SPATA6: variants seen among roughly 807,000 people sequenced by gnomAD.
The protein encoded by SPATA6 is spermatogenesis associated 6.
Under a neutral mutation model 65.3 loss-of-function variants are expected in SPATA6, and 56 were observed. The observed-to-expected ratio is 0.86, with a 90% confidence interval of 0.69 to 1.07. The LOEUF (loss-of-function observed/expected upper bound fraction) is 1.07. SPATA6 is among the 50% of genes least tolerant of loss of function. SPATA6 has a pLI of 0.00. For missense variants in SPATA6, 590 were observed against 594.8 expected (o/e 0.99, Z 0.08); for synonymous variants, 199 against 213.2 (o/e 0.93, Z 0.58).
the SPATA6 span, among the ~76,000 whole-genome samples, chr1:48,275,249 TG>T: frequency 6.6e-6 from 1 of 152,218 alleles, no homozygotes; most frequent in Non-Finnish European, 1.5e-5. Context: ...GCTGAGATGA[TG>T]GGGTTTTCTA....
chr1:48,402,751 C>T (rs1651289043), intron 6 of SPATA6: 2 of 152,180 alleles, frequency 1.3e-5, no homozygotes, highest in African/African-American at 4.8e-5. Flanking sequence ...GCCCTCTGGG[C>T]TTTACATATT....
At chr1:48,343,138 G>T (rs1646265981) in intron 11 of SPATA6, among the ~76,000 whole-genome samples, 1 of 152,074 alleles carries the variant, frequency 6.6e-6, no homozygotes, top group South Asian at 2.1e-4. Context: ...AGAGGTTTTT[G>T]ATTTTTGTGT....
At chr1:48,461,416 G>A (rs1018107656) in intron 1 of SPATA6, among the ~76,000 whole-genome samples, 175 of 152,286 alleles carry the variant, frequency 1.1e-3, no homozygotes, top group Non-Finnish European at 1.9e-3. Flanking sequence ...CCTTGCCCAT[G>A]CCTATGTCCT....
intron 11 of SPATA6, among the ~76,000 whole-genome samples, chr1:48,343,665 G>T (rs1029250802): frequency 6.6e-6 from 1 of 152,056 alleles, no homozygotes; most frequent in East Asian, 1.9e-4. Flanking sequence ...TCAATTTAAA[G>T]GTACCAATTT....
intron 3 of SPATA6, among the ~76,000 whole-genome samples, chr1:48,441,097 C>T (rs1024512558): frequency 2.6e-5 from 4 of 152,170 alleles, no homozygotes; most frequent in African/African-American, 7.2e-5. Context: ...GTCCACTACA[C>T]CAAGGCAATC....
chr1:48,266,875 G>T, the SPATA6 span, among the ~76,000 whole-genome samples: 1 of 152,124 alleles, frequency 6.6e-6, no homozygotes, highest in Admixed American at 6.5e-5. Context: ...GCCACTGCTG[G>T]ACCACAAAGG....
rs923885577 is a variant in SPATA6 at position 48,296,665 on chromosome 1, C to T, written c.*2048G>A. Reference sequence around the variant, plus strand: ...TGAGGATATAATTTTTTTAAAAGAGCATTATTCAATGTTGACCTTCAAAAG... The same window carrying T: ...TGAGGATATAATTTTTTTAAAAGAGTATTATTCAATGTTGACCTTCAAAAG... On this transcript the variant is annotated 3_prime_UTR_variant, in exon 13 of 13. Coordinates refer to ENST00000371847, the MANE Select transcript of SPATA6 (RefSeq NM_019073.4). The T allele has an allele frequency of 2.5e-4, 38 of 152,180 alleles. No individual in the cohort carries two copies. Among genetic ancestry groups the T allele is most frequent in the Non-Finnish European group, 2.9e-4 (20 of 67,998 alleles). The allele number at this position is 152,180 out of a possible 1,614,324, so 9.4% of individuals were successfully genotyped here.
At chr1:48,364,236 A>G (rs1296862866) in intron 9 of SPATA6, among the ~76,000 whole-genome samples, 2 of 152,178 alleles carry the variant, frequency 1.3e-5, no homozygotes, top group Non-Finnish European at 2.9e-5. Flanking sequence ...AGTCTTTGCT[A>G]TGGTGAATAG....
At chr1:48,379,778 T>C (rs1050553276) in intron 9 of SPATA6, among the ~76,000 whole-genome samples, 1 of 152,210 alleles carries the variant, frequency 6.6e-6, no homozygotes, top group Non-Finnish European at 1.5e-5. Flanking sequence ...TTATTTATCA[T>C]GGTGACATAA....
At chr1:48,355,500 G>A in intron 11 of SPATA6, 170 bp downstream of exon 11, 1 of 512,016 alleles carries the variant, frequency 2.0e-6, no homozygotes, top group Admixed American at 3.5e-5. Flanking sequence ...CTTAGGTCAA[G>A]CAGGCATTTA....
At chr1:48,421,879 T>A (rs1653374140) in intron 3 of SPATA6, among the ~76,000 whole-genome samples, 1 of 152,080 alleles carries the variant, frequency 6.6e-6, no homozygotes, top group Non-Finnish European at 1.5e-5. Context: ...ATGGGAAGAA[T>A]GGAAATGTAA....
At chr1:48,419,218 T>C (rs1219653212) in intron 3 of SPATA6, among the ~76,000 whole-genome samples, 1 of 152,178 alleles carries the variant, frequency 6.6e-6, no homozygotes, top group Non-Finnish European at 1.5e-5. Context: ...ACCTCTATTT[T>C]ACAGATAAAA....
intron 3 of SPATA6, among the ~76,000 whole-genome samples, chr1:48,441,778 C>A (rs185921420): frequency 6.6e-6 from 1 of 152,130 alleles, no homozygotes; most frequent in Non-Finnish European, 1.5e-5. Flanking sequence ...TGGGTAGTTG[C>A]AGCGGTGGCC....
At chr1:48,285,564 G>A in the SPATA6 span, among the ~76,000 whole-genome samples, 1,070 of 152,080 alleles carry the variant, frequency 7.0e-3, 14 homozygotes, top group African/African-American at 0.025. Flanking sequence ...CCAGGGCCCT[G>A]GTGGCATGGC....
chr1:48,465,949 A>G (rs753600717), intron 1 of SPATA6, among the ~76,000 whole-genome samples: 2 of 152,176 alleles, frequency 1.3e-5, no homozygotes, highest in Non-Finnish European at 2.9e-5. Flanking sequence ...ATTAACCTCC[A>G]GTAATTATAA....
intron 3 of SPATA6, among the ~76,000 whole-genome samples, chr1:48,416,481 G>C (rs1176637122): frequency 6.6e-6 from 1 of 152,148 alleles, no homozygotes; most frequent in South Asian, 2.1e-4. Flanking sequence ...GTGCATGTGT[G>C]TGTATATTTA....
intron 3 of SPATA6, among the ~76,000 whole-genome samples, chr1:48,447,396 G>A (rs1244749951): frequency 1.3e-5 from 2 of 152,140 alleles, no homozygotes; most frequent in Non-Finnish European, 2.9e-5. Flanking sequence ...TCACGCACCT[G>A]TAGTCCCAGC....
At position 48,453,142 on chromosome 1, in the gene SPATA6, T is replaced by C; in HGVS notation, c.52-11A>G. 1 of 1,606,832 alleles carries C rather than the reference T, an allele frequency of 6.2e-7. No individual in the cohort carries two copies. Among genetic ancestry groups the C allele is most frequent in the Non-Finnish European group, 8.5e-7 (1 of 1,177,746 alleles). Reference sequence around the variant, plus strand: ...TCCTGGGCAAGTTACCTGAAAGAAATTAGATAAAATGGATGTAACTGCTTT... The same window carrying C: ...TCCTGGGCAAGTTACCTGAAAGAAACTAGATAAAATGGATGTAACTGCTTT... On this transcript the variant is annotated splice_polypyrimidine_tract_variant and intron_variant, in intron 1 of 12. Transcript: ENST00000371847.
chr1:48,399,041 C>T, intron 7 of SPATA6: 1 of 227,586 alleles, frequency 4.4e-6, no homozygotes, highest in East Asian at 9.2e-5. Flanking sequence ...CATTTTAGTA[C>T]TAATGTCAAT....
Sources: gnomAD v4.1 joint callset for allele counts (sites outside exome capture counted in the v4.1 genomes callset) on GRCh38, gnomAD v4.1.1 for gene constraint, MANE v1.5 for transcripts, NCBI Gene and HGNC (gene_info 2026-07-23, HGNC 2026-07-21) for gene names.